DGKB: variants seen among roughly 807,000 people sequenced by gnomAD.
DGKB encodes the protein diacylglycerol kinase beta.
A neutral mutation model predicts 114.3 loss-of-function variants in DGKB; 67 were observed. The ratio of observed to expected loss-of-function variants is 0.59; its 90% CI spans 0.48 to 0.72. The LOEUF is 0.72. Ranked by LOEUF, DGKB falls within the 30% of genes least tolerant of loss-of-function variation. DGKB has a pLI of 0.00. For missense variants in DGKB, 907 were observed against 975.2 expected (o/e 0.93, Z 0.93); for synonymous variants, 398 against 323.1 (o/e 1.23, Z -2.49).
chr7:14,181,160 A>C (rs1203137106), intron 23 of DGKB, among the ~76,000 whole-genome samples: 1 of 152,234 alleles, frequency 6.6e-6, no homozygotes, highest in Non-Finnish European at 1.5e-5. Context: ...TCACTGGTTT[A>C]GGTCTTGTCT....
chr7:14,305,941 G>T (rs1390147477), intron 23 of DGKB, among the ~76,000 whole-genome samples: 1 of 152,052 alleles, frequency 6.6e-6, no homozygotes, highest in Non-Finnish European at 1.5e-5. Context: ...GAGAATAGAA[G>T]ACAGTGAAAG....
chr7:14,750,068 G>A (rs1833886926), intron 4 of DGKB: 1 of 506,250 alleles, frequency 2.0e-6, no homozygotes, highest in Non-Finnish European at 4.0e-6. Context: ...TGTTATATGT[G>A]TGCTATCATT....
At chr7:14,564,697 C>T (rs969679270) in intron 20 of DGKB, among the ~76,000 whole-genome samples, 1 of 151,950 alleles carries the variant, frequency 6.6e-6, no homozygotes, top group African/African-American at 2.4e-5. Context: ...CAGTTTTGTC[C>T]TGTTTTTACC....
chr7:14,529,671 T>C lies in DGKB; in HGVS notation c.1770+44541A>G, dbSNP rs189729947. ...AAAGAAATGATAATGCTCTCAAAACTAAACTTGATTACTTTCAAATTCTGA... is the reference window on the plus strand; with the variant it reads ...AAAGAAATGATAATGCTCTCAAAACCAAACTTGATTACTTTCAAATTCTGA... On this transcript the variant is annotated intron_variant, in intron 20 of 25. Coordinates refer to ENST00000402815, the MANE Select transcript of DGKB (RefSeq NM_001350709.2). Among the ~76,000 whole-genome samples, 332 of 151,918 alleles carry C rather than the reference T, an allele frequency of 2.2e-3. 2 individuals are homozygous for C. The highest frequency in any genetic ancestry group is 7.7e-3 in the African/African-American group (319 of 41,540).
intron 23 of DGKB, among the ~76,000 whole-genome samples, chr7:14,237,058 G>T (rs761547105): frequency 6.6e-6 from 1 of 151,800 alleles, no homozygotes; most frequent in Non-Finnish European, 1.5e-5. Flanking sequence ...GCTTAAATTT[G>T]TGCTCTTCCT....
chr7:14,870,105 C>A (rs372980316), intron 1 of DGKB, among the ~76,000 whole-genome samples: 2 of 152,188 alleles, frequency 1.3e-5, no homozygotes, highest in South Asian at 4.2e-4. Context: ...TGTATGGATT[C>A]CATTGCCACC....
chr7:14,846,335 T>C (rs549884711), intron 1 of DGKB, among the ~76,000 whole-genome samples: 10 of 152,286 alleles, frequency 6.6e-5, no homozygotes, highest in African/African-American at 1.9e-4. Flanking sequence ...CATCACGTGA[T>C]ATGACATGTA....
intron 23 of DGKB, among the ~76,000 whole-genome samples, chr7:14,288,886 A>G (rs909500914): frequency 6.6e-6 from 1 of 152,156 alleles, no homozygotes; most frequent in African/African-American, 2.4e-5. Flanking sequence ...CCACACCCAT[A>G]TGCACTGTTG....
intron 21 of DGKB, among the ~76,000 whole-genome samples, chr7:14,450,333 A>T (rs1217474861): frequency 6.6e-6 from 1 of 152,112 alleles, no homozygotes; most frequent in East Asian, 1.9e-4. Flanking sequence ...GGCCTTGCTA[A>T]ATGATAAAGC....
At chr7:14,935,887 T>G (rs1785249822) in intron 1 of DGKB, among the ~76,000 whole-genome samples, 1 of 152,112 alleles carries the variant, frequency 6.6e-6, no homozygotes, top group African/African-American at 2.4e-5. Flanking sequence ...TCTAAATGTT[T>G]AGGGATTTTC....
intron 13 of DGKB, among the ~76,000 whole-genome samples, chr7:14,650,052 C>G (rs1018380692): frequency 1.1e-4 from 16 of 152,094 alleles, no homozygotes; most frequent in Non-Finnish European, 1.6e-4. Flanking sequence ...TAAAGGGAGA[C>G]TTTAACACCC....
intron 1 of DGKB, among the ~76,000 whole-genome samples, chr7:14,912,359 G>A (rs973682823): frequency 6.6e-6 from 1 of 152,216 alleles, no homozygotes; most frequent in Admixed American, 6.5e-5. Context: ...CAGGTAAGCA[G>A]AATTCATTTT....
chr7:14,444,027 A>G (rs961880446), intron 21 of DGKB, among the ~76,000 whole-genome samples: 10 of 151,682 alleles, frequency 6.6e-5, no homozygotes, highest in African/African-American at 2.2e-4. Flanking sequence ...TGTGTTTAAT[A>G]TTTATCAGTC....
chr7:14,759,196 A>T (rs895921500), intron 2 of DGKB, among the ~76,000 whole-genome samples: 2 of 152,202 alleles, frequency 1.3e-5, no homozygotes, highest in African/African-American at 4.8e-5. Flanking sequence ...AAGAACTGGG[A>T]TTACAGGCAT....
intron 2 of DGKB, among the ~76,000 whole-genome samples, chr7:14,799,701 A>G (rs1406703715): frequency 6.6e-6 from 1 of 152,186 alleles, no homozygotes; most frequent in African/African-American, 2.4e-5. Flanking sequence ...AGCTCATTTA[A>G]TGAATGACCT....
chr7:14,861,497 T>C (rs1011828840), intron 1 of DGKB, among the ~76,000 whole-genome samples: 1 of 151,960 alleles, frequency 6.6e-6, no homozygotes, highest in Non-Finnish European at 1.5e-5. Context: ...ATGTATAGGA[T>C]TATATAAAAA....
intron 1 of DGKB, among the ~76,000 whole-genome samples, chr7:14,955,174 A>T (rs1038589003): frequency 5.9e-5 from 9 of 152,080 alleles, no homozygotes; most frequent in Non-Finnish European, 1.3e-4. Flanking sequence ...TGGACATTTA[A>T]TTTAACAAAA....
intron 23 of DGKB, among the ~76,000 whole-genome samples, chr7:14,228,907 T>TGTGTGTGTGTGTGTG: frequency 2.6e-5 from 4 of 151,456 alleles, no homozygotes; most frequent in African/African-American, 7.3e-5. Flanking sequence ...TGTGTGTGTG[T>TGTGTGTGTGTGTGTG]TCAAAAATAA....
At chr7:14,414,330 G>C (rs528085414) in intron 21 of DGKB, among the ~76,000 whole-genome samples, 127 of 152,140 alleles carry the variant, frequency 8.3e-4, no homozygotes, top group Non-Finnish European at 1.6e-3. Flanking sequence ...AAACTTGCTC[G>C]AGCAACTAAA....
Sources: allele counts gnomAD v4.1 joint callset (sites outside exome capture counted in the v4.1 genomes callset), GRCh38; gene constraint gnomAD v4.1.1; transcripts MANE v1.5; gene names NCBI Gene and HGNC (gene_info 2026-07-23, HGNC 2026-07-21).